The following TRAPPC9 variants were observed in gnomAD, a reference collection of about 807,000 sequenced individuals.
TRAPPC9 encodes IKK2 binding protein.
Under a neutral mutation model 124.0 loss-of-function variants are expected in TRAPPC9, and 83 were observed. That is an observed-to-expected ratio of 0.67 (90% CI 0.56 to 0.80). The LOEUF (loss-of-function observed/expected upper bound fraction) is 0.80, where lower values mean the gene tolerates loss of function less well. Among genes scored for constraint, TRAPPC9 ranks in the 30% least tolerant of loss-of-function variants. The probability of loss-of-function intolerance (pLI) is 0.00; values close to 1 mark genes in which losing one functional copy is unlikely to be tolerated. For missense variants in TRAPPC9, 1,302 were observed against 1,508.3 expected, an observed-to-expected ratio of 0.86 and a Z score of 2.27; for synonymous variants, 638 against 617.5, an observed-to-expected ratio of 1.03 and a Z score of -0.49.
intron 17 of TRAPPC9, among the ~76,000 whole-genome samples, chr8:140,139,885 T>A (rs1028339759): frequency 6.6e-6 from 1 of 152,148 alleles, no homozygotes; most frequent in Non-Finnish European, 1.5e-5. Context: ...TAGTCAGTAT[T>A]TCGTTATGCT....
chr8:139,786,284 G>A (rs942934087), intron 21 of TRAPPC9, among the ~76,000 whole-genome samples: 3 of 152,204 alleles, frequency 2.0e-5, no homozygotes, highest in African/African-American at 7.2e-5. Flanking sequence ...AGACAACATA[G>A]ATGGCAGGTA....
At chr8:139,821,599 G>A (rs1364667622) in intron 21 of TRAPPC9, among the ~76,000 whole-genome samples, 1 of 152,260 alleles carries the variant, frequency 6.6e-6, no homozygotes, top group African/African-American at 2.4e-5. Context: ...GATGGGAATG[G>A]AGGTGGCAGA....
chr8:139,781,986 C>T (rs1400597611), intron 21 of TRAPPC9, among the ~76,000 whole-genome samples: 15 of 152,090 alleles, frequency 9.9e-5, no homozygotes, highest in South Asian at 6.2e-4. Flanking sequence ...TAAATGCAGA[C>T]GCACCCAATA....
In TRAPPC9 at chr8:140,173,089, C is replaced by T. The variant is rs187506637; in HGVS notation, c.2556+48370G>A. On this transcript the variant is annotated intron_variant, in intron 17 of 22. Transcript: ENST00000438773. ...AAGCAGAGATAATGCTACTGCTGTT[C>T]CATAGGGTCTGCATTTGTACTAGGT... is the stretch of plus-strand genomic sequence containing the variant. Among the ~76,000 whole-genome samples, 48 of 152,304 alleles carry T rather than the reference C, an allele frequency of 3.2e-4. 1 individual carries two copies. The highest frequency in any genetic ancestry group is 3.4e-3 in the Middle Eastern group (1 of 294).
At chr8:140,171,925 G>A (rs1383314896) in intron 17 of TRAPPC9, among the ~76,000 whole-genome samples, 2 of 152,258 alleles carry the variant, frequency 1.3e-5, no homozygotes, top group African/African-American at 4.8e-5. Flanking sequence ...CTGTCTTGAG[G>A]AGTATCTGGC....
At chr8:140,134,421 G>A (rs1020032819) in intron 17 of TRAPPC9, among the ~76,000 whole-genome samples, 4 of 152,054 alleles carry the variant, frequency 2.6e-5, no homozygotes, top group Admixed American at 6.5e-5. Flanking sequence ...GCTTGTCACC[G>A]TGCCCAGCTA....
intron 7 of TRAPPC9, among the ~76,000 whole-genome samples, chr8:140,376,900 G>T (rs919604217): frequency 6.6e-6 from 1 of 151,108 alleles, no homozygotes; most frequent in African/African-American, 2.4e-5. Context: ...AAATCACAGT[G>T]TTGGGAAGAA....
chr8:140,243,143 T>A (rs142063706), intron 16 of TRAPPC9, among the ~76,000 whole-genome samples: 1,808 of 152,244 alleles, frequency 0.012, 32 homozygotes, highest in South Asian at 0.05. Flanking sequence ...GGCCGAGGAA[T>A]CTGCGTTTTA....
chr8:139,964,031 T>C (rs918036548), intron 19 of TRAPPC9, among the ~76,000 whole-genome samples: 10 of 152,040 alleles, frequency 6.6e-5, no homozygotes, highest in African/African-American at 2.4e-4. Flanking sequence ...AAGACCAGCC[T>C]GGCTAACATG....
chr8:139,916,917 C>T (rs989154343), intron 19 of TRAPPC9, among the ~76,000 whole-genome samples: 1 of 152,176 alleles, frequency 6.6e-6, no homozygotes, highest in African/African-American at 2.4e-5. Context: ...GTATGTGGTA[C>T]ATCATATGTG....
rs147933270 is a variant in TRAPPC9, at chr8:140,137,474, G to A, written c.2556+83985C>T. 3.2e-4 allele frequency among the ~76,000 whole-genome samples: 49 copies of A among 152,196 alleles called. No homozygotes were observed. The East Asian group carries it at 9.3e-3, about 29-fold the overall frequency. ...CTGGAGCGGGTAGTGAGCTTTCCACGGCAGATAACATGGTGGCGAGCACGT... is the reference window on the plus strand; with the variant it reads ...CTGGAGCGGGTAGTGAGCTTTCCACAGCAGATAACATGGTGGCGAGCACGT... On this transcript the variant is annotated intron_variant, in intron 17 of 22. Coordinates refer to ENST00000438773, the MANE Select transcript of TRAPPC9 (RefSeq NM_001160372.4).
intron 21 of TRAPPC9, among the ~76,000 whole-genome samples, chr8:139,804,042 C>T (rs1033517187): frequency 1.1e-4 from 16 of 151,696 alleles, no homozygotes; most frequent in African/African-American, 3.6e-4. Context: ...ATCGCCGCCA[C>T]CACACGCCAC....
intron 21 of TRAPPC9, among the ~76,000 whole-genome samples, chr8:139,832,348 T>C (rs1419003930): frequency 6.6e-6 from 1 of 152,256 alleles, no homozygotes; most frequent in Non-Finnish European, 1.5e-5. Context: ...ACAAGGCACG[T>C]ACACCATGCA....
chr8:139,849,870 G>A (rs1406617191), intron 21 of TRAPPC9, among the ~76,000 whole-genome samples: 1 of 152,202 alleles, frequency 6.6e-6, no homozygotes, highest in African/African-American at 2.4e-5. Flanking sequence ...CTTCGCCCTG[G>A]CTCAGAACCA....
At chr8:139,789,870 C>G (rs1027345658) in intron 21 of TRAPPC9, among the ~76,000 whole-genome samples, 1 of 152,150 alleles carries the variant, frequency 6.6e-6, no homozygotes. Flanking sequence ...CTTCTGTAGG[C>G]CGGCCTCAGT....
At chr8:140,446,293 CAA>C (rs59393001) in intron 2 of TRAPPC9, among the ~76,000 whole-genome samples, 10,289 of 109,910 alleles carry the variant, frequency 0.094, 376 homozygotes, top group African/African-American at 0.11. Flanking sequence ...GACTCTGTCT[CAA>C]AAAAAAAAAA....
chr8:140,078,936 G>A (rs1476193444), intron 17 of TRAPPC9, among the ~76,000 whole-genome samples: 22 of 152,234 alleles, frequency 1.4e-4, no homozygotes, highest in Admixed American at 1.4e-3. Flanking sequence ...TGGTTTGGCT[G>A]TGTCCCCACC....
At chr8:140,190,623 T>C (rs768553633) in intron 17 of TRAPPC9, among the ~76,000 whole-genome samples, 1 of 152,042 alleles carries the variant, frequency 6.6e-6, no homozygotes, top group Non-Finnish European at 1.5e-5. Context: ...TGAGAAAAGG[T>C]GGTCATTGTG....
intron 14 of TRAPPC9, 77 bp from the exon 15 acceptor site, chr8:140,275,898 G>T: frequency 8.3e-7 from 1 of 1,200,892 alleles, no homozygotes; most frequent in Non-Finnish European, 1.2e-6. Flanking sequence ...ACTTCCCAAA[G>T]AAGAATCACC....
Sources: allele counts gnomAD v4.1 joint callset (sites outside exome capture counted in the v4.1 genomes callset), GRCh38; gene constraint gnomAD v4.1.1; transcripts MANE v1.5; gene names NCBI Gene and HGNC (gene_info 2026-07-23, HGNC 2026-07-21).